Variants in SMAD9 observed in about 807,000 individuals in gnomAD.
SMAD9 encodes the protein MAD homolog 9.
In SMAD9, 36 loss-of-function variants were observed where a neutral mutation model predicts 46.1. The observed-to-expected ratio is 0.78, with a 90% confidence interval of 0.60 to 1.03. SMAD9 has a LOEUF of 1.03. Among genes scored for constraint, SMAD9 ranks in the 50% least tolerant of loss-of-function variants. The probability of loss-of-function intolerance (pLI) is 0.00; values close to 1 mark genes in which losing one functional copy is unlikely to be tolerated. For synonymous variants in SMAD9, 245 were observed against 237.1 expected (o/e 1.03, Z -0.31); for missense variants, 572 against 599.8 (o/e 0.95, Z 0.48).
intron 1 of SMAD9, among the ~76,000 whole-genome samples, chr13:36,900,249 T>C (rs1664745967): frequency 6.6e-6 from 1 of 152,174 alleles, no homozygotes; most frequent in Non-Finnish European, 1.5e-5. Context: ...TTTACTCAAA[T>C]ATCTTAGTGA....
At chr13:36,904,869 T>C (rs548551467) in intron 1 of SMAD9, among the ~76,000 whole-genome samples, 3 of 152,368 alleles carry the variant, frequency 2.0e-5, no homozygotes, top group East Asian at 3.9e-4. Context: ...TAAATGACCA[T>C]AGCATAGCAC....
chr13:36,917,771 C>T (rs549344913), intron 1 of SMAD9, among the ~76,000 whole-genome samples: 5 of 152,282 alleles, frequency 3.3e-5, no homozygotes, highest in Admixed American at 1.3e-4. Flanking sequence ...CTATTTATTA[C>T]AGAGGGAATG....
At chr13:36,856,847 G>T (rs1478302729) in intron 5 of SMAD9, among the ~76,000 whole-genome samples, 2 of 143,678 alleles carry the variant, frequency 1.4e-5, no homozygotes, top group Non-Finnish European at 3.0e-5. Context: ...TGTCACCCAG[G>T]CTGGAGATGG....
chr13:36,884,643 C>A lies in SMAD9; in HGVS notation c.-186-4768G>T, dbSNP rs138382874. Among the ~76,000 whole-genome samples, 90 of 152,294 alleles carry A rather than the reference C, an allele frequency of 5.9e-4. 1 individual carries two copies. The East Asian group carries it at 0.015, about 26-fold the overall frequency. On this transcript the variant is annotated intron_variant, in intron 1 of 6. Transcript: ENST00000379826. The stretch of plus-strand genomic sequence containing the variant: ...CAATTTACCCGGCTGGGTAACAGTA[C>A]AGGAGACATAAGCTTTTTTACTTTA...
chr13:36,891,596 T>C (rs1158838784), intron 1 of SMAD9, among the ~76,000 whole-genome samples: 1 of 152,202 alleles, frequency 6.6e-6, no homozygotes, highest in African/African-American at 2.4e-5. Context: ...CCAGAAGTAA[T>C]GTATTTTCTT....
intron 5 of SMAD9, among the ~76,000 whole-genome samples, chr13:36,863,326 T>G (rs1359241314): frequency 6.6e-6 from 1 of 152,324 alleles, no homozygotes; most frequent in East Asian, 1.9e-4. Flanking sequence ...TTGGAGTAAT[T>G]TCTAAGCAGC....
chr13:36,882,983 T>C (rs2138520504), intron 1 of SMAD9, among the ~76,000 whole-genome samples: 1 of 152,244 alleles, frequency 6.6e-6, no homozygotes, highest in South Asian at 2.1e-4. Context: ...TTTCTATTTG[T>C]CCAGGCAGTG....
chr13:36,919,503 G>C (rs994763596), intron 1 of SMAD9, among the ~76,000 whole-genome samples: 1 of 152,156 alleles, frequency 6.6e-6, no homozygotes, highest in Non-Finnish European at 1.5e-5. Context: ...AAAGCAAAAA[G>C]CCTACGAAAC....
chr13:36,895,180 T>C (rs2138598672), intron 1 of SMAD9, among the ~76,000 whole-genome samples: 1 of 152,200 alleles, frequency 6.6e-6, no homozygotes, highest in South Asian at 2.1e-4. Flanking sequence ...TTCTAATGAG[T>C]CCCAAATTTC....
chr13:36,895,331 A>G (rs1293516346), intron 1 of SMAD9, among the ~76,000 whole-genome samples: 1 of 152,272 alleles, frequency 6.6e-6, no homozygotes, highest in Non-Finnish European at 1.5e-5. Context: ...GTATCGATCT[A>G]AAGATCTAGC....
At chr13:36,854,084 G>C (rs1487684586) in intron 5 of SMAD9, among the ~76,000 whole-genome samples, 1 of 152,068 alleles carries the variant, frequency 6.6e-6, no homozygotes, top group Non-Finnish European at 1.5e-5. Context: ...GCTTGAACCT[G>C]GGAGGCAGAG....
chr13:36,877,425 G>A (rs532183634), intron 2 of SMAD9, among the ~76,000 whole-genome samples: 11 of 152,152 alleles, frequency 7.2e-5, no homozygotes, highest in Middle Eastern at 3.4e-3. Flanking sequence ...TATTCAAAAG[G>A]AAAACCAGGT....
chr13:36,891,503 T>G (rs764157550), intron 1 of SMAD9, among the ~76,000 whole-genome samples: 5 of 152,208 alleles, frequency 3.3e-5, no homozygotes, highest in Non-Finnish European at 5.9e-5. Flanking sequence ...GGAGATGTGT[T>G]GCTTTGTTTT....
chr13:36,914,040 G>GTACT (rs2058680466), intron 1 of SMAD9, among the ~76,000 whole-genome samples: 1 of 152,158 alleles, frequency 6.6e-6, no homozygotes, highest in African/African-American at 2.4e-5. Flanking sequence ...GAGTGCTAAT[G>GTACT]TACTTCCCTG....
At chr13:36,875,779 A>G (rs2058340729) in intron 2 of SMAD9, among the ~76,000 whole-genome samples, 1 of 152,224 alleles carries the variant, frequency 6.6e-6, no homozygotes, top group Non-Finnish European at 1.5e-5. Flanking sequence ...ACTGATAAAA[A>G]TATAATGCCT....
At chr13:36,877,085 C>G (rs2058351688) in intron 2 of SMAD9, among the ~76,000 whole-genome samples, 1 of 152,090 alleles carries the variant, frequency 6.6e-6, no homozygotes, top group Admixed American at 6.6e-5. Flanking sequence ...AACTAAAGGC[C>G]AGGTATGGTG....
At chr13:36,877,213 G>A (rs2058353355) in intron 2 of SMAD9, among the ~76,000 whole-genome samples, 1 of 151,984 alleles carries the variant, frequency 6.6e-6, no homozygotes, top group Non-Finnish European at 1.5e-5. Flanking sequence ...AATACAAAAA[G>A]TAGCTGGGCA....
At chr13:36,895,364 G>A (rs1566034815) in intron 1 of SMAD9, among the ~76,000 whole-genome samples, 1 of 152,128 alleles carries the variant, frequency 6.6e-6, no homozygotes, top group Non-Finnish European at 1.5e-5. Context: ...ACCTCAACTA[G>A]CATAGGTTTC....
intron 1 of SMAD9, among the ~76,000 whole-genome samples, chr13:36,905,835 T>C (rs1250497557): frequency 2.3e-5 from 1 of 43,700 alleles, no homozygotes; most frequent in Non-Finnish European, 5.0e-5. Context: ...TTTGTTATAT[T>C]TTTTTAAAAG....
Sources: allele counts gnomAD v4.1 joint callset (sites outside exome capture counted in the v4.1 genomes callset), GRCh38; gene constraint gnomAD v4.1.1; transcripts MANE v1.5; gene names NCBI Gene and HGNC (gene_info 2026-07-23, HGNC 2026-07-21).